The following CALN1 variants were observed in gnomAD, a reference collection of about 807,000 sequenced individuals.
CALN1 encodes the protein calneuron 1.
A neutral mutation model predicts 30.6 loss-of-function variants in CALN1; 17 were observed. The ratio of observed to expected loss-of-function variants is 0.56; its 90% CI spans 0.38 to 0.83. The LOEUF is 0.83. Ranked by LOEUF, CALN1 falls within the 40% of genes least tolerant of loss-of-function variation. The pLI, the probability that CALN1 is intolerant of heterozygous loss-of-function variation, is 0.00. For synonymous variants in CALN1, 156 were observed against 131.4 expected (o/e 1.19, Z -1.28); for missense variants, 291 against 354.9 (o/e 0.82, Z 1.45).
At chr7:72,094,057 T>TC (rs1806052058) in intron 4 of CALN1, among the ~76,000 whole-genome samples, 1 of 152,304 alleles carries the variant, frequency 6.6e-6, no homozygotes, top group Non-Finnish European at 1.5e-5. Context: ...TTCTTCAAGG[T>TC]CTACCCCTAC....
intron 3 of CALN1, among the ~76,000 whole-genome samples, chr7:72,138,154 A>T (rs1193541549): frequency 6.6e-6 from 1 of 152,224 alleles, no homozygotes; most frequent in African/African-American, 2.4e-5. Flanking sequence ...ATATAAAACT[A>T]TATGTGTAAT....
chr7:72,202,726 A>C (rs749658406), intron 3 of CALN1, among the ~76,000 whole-genome samples: 6 of 152,198 alleles, frequency 3.9e-5, no homozygotes, highest in Non-Finnish European at 8.8e-5. Flanking sequence ...TTTTGCTTTG[A>C]GAGTACATAT....
intron 2 of CALN1, among the ~76,000 whole-genome samples, chr7:72,392,598 C>CAG (rs1318435964): frequency 2.0e-5 from 3 of 152,186 alleles, no homozygotes; most frequent in Non-Finnish European, 4.4e-5. Context: ...GGTCTGCTAA[C>CAG]AGCAAGACTA....
intron 3 of CALN1, among the ~76,000 whole-genome samples, chr7:72,234,782 G>C (rs1017935482): frequency 2.6e-5 from 4 of 152,146 alleles, no homozygotes; most frequent in African/African-American, 9.7e-5. Flanking sequence ...AACTTGTGGA[G>C]AACAGAGGCC....
intron 3 of CALN1, among the ~76,000 whole-genome samples, chr7:72,244,019 T>G (rs920311732): frequency 6.6e-6 from 1 of 152,200 alleles, no homozygotes; most frequent in Non-Finnish European, 1.5e-5. Context: ...AATTCTCCCA[T>G]CCTGCTGAAT....
intron 2 of CALN1, among the ~76,000 whole-genome samples, chr7:72,313,081 C>T (rs1352126903): frequency 6.6e-6 from 1 of 152,038 alleles, no homozygotes; most frequent in African/African-American, 2.4e-5. Context: ...GTGATCCGCC[C>T]ACCTCGGCCT....
chr7:71,902,143 G>A (rs926580303), intron 5 of CALN1, among the ~76,000 whole-genome samples: 4 of 152,106 alleles, frequency 2.6e-5, no homozygotes, highest in African/African-American at 9.7e-5. Flanking sequence ...AGAATGGTGT[G>A]AACCTGGGAG....
At chr7:72,221,937 A>G (rs1793334915) in intron 3 of CALN1, among the ~76,000 whole-genome samples, 1 of 151,218 alleles carries the variant, frequency 6.6e-6, no homozygotes, top group Non-Finnish European at 1.5e-5. Flanking sequence ...TAAAGAAAAG[A>G]GTTTTAGGCC....
At chr7:72,235,326 G>C (rs1005333538) in intron 3 of CALN1, among the ~76,000 whole-genome samples, 2 of 151,956 alleles carry the variant, frequency 1.3e-5, no homozygotes, top group African/African-American at 4.8e-5. Context: ...TTTCCAAAAA[G>C]TTCAAGCAGA....
At chr7:72,347,077 T>C (rs1274501879) in intron 2 of CALN1, among the ~76,000 whole-genome samples, 2 of 152,032 alleles carry the variant, frequency 1.3e-5, no homozygotes, top group East Asian at 1.9e-4. Flanking sequence ...GGAGAAAGAA[T>C]GGGGTGGATG....
At chr7:72,447,530 C>A (rs1401851038), upstream of CALN1, among the ~76,000 whole-genome samples, 1 of 152,120 alleles carries the variant, frequency 6.6e-6, no homozygotes, top group Non-Finnish European at 1.5e-5. Flanking sequence ...ACACCCTCTT[C>A]AGACACGGGG....
At chr7:72,323,236 G>T (rs945218235) in intron 2 of CALN1, among the ~76,000 whole-genome samples, 1 of 152,178 alleles carries the variant, frequency 6.6e-6, no homozygotes, top group African/African-American at 2.4e-5. Flanking sequence ...CAGGAACCCA[G>T]TCCTTTGTTC....
At chr7:72,447,575 C>G (rs1808567396), upstream of CALN1, among the ~76,000 whole-genome samples, 1 of 152,168 alleles carries the variant, frequency 6.6e-6, no homozygotes, top group Non-Finnish European at 1.5e-5. Context: ...AGTGGGAAAC[C>G]TGGTCTGTAC....
At chr7:72,312,792 A>G (rs1381141217) in intron 2 of CALN1, among the ~76,000 whole-genome samples, 1 of 152,054 alleles carries the variant, frequency 6.6e-6, no homozygotes, top group African/African-American at 2.4e-5. Flanking sequence ...AAATATGGAT[A>G]ATTTTAAAAT....
At chr7:71,810,173 C>T (rs1328964169) in intron 6 of CALN1, among the ~76,000 whole-genome samples, 163 bp downstream of exon 6, 3 of 152,048 alleles carry the variant, frequency 2.0e-5, no homozygotes, top group East Asian at 1.9e-4. Flanking sequence ...TGAAACCCAC[C>T]GCATCTTAGC....
At chr7:72,306,276 G>C (rs1799643473) in intron 2 of CALN1, among the ~76,000 whole-genome samples, 1 of 152,158 alleles carries the variant, frequency 6.6e-6, no homozygotes, top group South Asian at 2.1e-4. Flanking sequence ...CACATAGCTA[G>C]ATCTTTTTCT....
At chr7:71,940,044 T>C (rs1471661493) in intron 5 of CALN1, among the ~76,000 whole-genome samples, 1 of 152,132 alleles carries the variant, frequency 6.6e-6, no homozygotes, top group African/African-American at 2.4e-5. Context: ...ACCTTTGTTA[T>C]TGTTGTTGTT....
At chr7:71,837,323 T>C (rs1452675644) in intron 5 of CALN1, among the ~76,000 whole-genome samples, 1 of 150,642 alleles carries the variant, frequency 6.6e-6, no homozygotes, top group Non-Finnish European at 1.5e-5. Flanking sequence ...TAACATAATT[T>C]AATAGATGTC....
chr7:72,397,424 G>T (rs1358173446), intron 2 of CALN1, among the ~76,000 whole-genome samples: 3 of 152,106 alleles, frequency 2.0e-5, no homozygotes, highest in Non-Finnish European at 4.4e-5. Flanking sequence ...AACAAGAGGT[G>T]AGAATGTTGC....
Sources: allele counts gnomAD v4.1 joint callset (sites outside exome capture counted in the v4.1 genomes callset), GRCh38; gene constraint gnomAD v4.1.1; transcripts MANE v1.5; gene names NCBI Gene and HGNC (gene_info 2026-07-23, HGNC 2026-07-21).